MCF2L2: variants seen among roughly 807,000 people sequenced by gnomAD.
The protein encoded by MCF2L2 is probable guanine nucleotide exchange factor MCF2L2.
MCF2L2 carries 102 observed loss-of-function variants against 150.2 expected under a neutral mutation model. The observed-to-expected ratio is 0.68, with a 90% confidence interval of 0.58 to 0.80. MCF2L2 has a LOEUF of 0.80. MCF2L2 is among the 30% of genes least tolerant of loss of function. The pLI, the probability that MCF2L2 is intolerant of heterozygous loss-of-function variation, is 0.00. For missense variants in MCF2L2, 1,256 were observed against 1,372.8 expected, an observed-to-expected ratio of 0.91 and a Z score of 1.34; for synonymous variants, 465 against 491.3, an observed-to-expected ratio of 0.95 and a Z score of 0.71.
intron 5 of MCF2L2, among the ~76,000 whole-genome samples, chr3:183,337,624 C>T (rs139465830): frequency 1.5e-3 from 231 of 151,630 alleles, no homozygotes; most frequent in African/African-American, 5.4e-3. Flanking sequence ...CCATAACTTA[C>T]CACTTTTATT....
intron 22 of MCF2L2, among the ~76,000 whole-genome samples, chr3:183,210,594 C>T (rs1722657871): frequency 1.3e-5 from 2 of 152,148 alleles, no homozygotes; most frequent in South Asian, 4.1e-4. Flanking sequence ...CACATTTGGT[C>T]AGTGTGGAGG....
intron 11 of MCF2L2, chr3:183,297,669 T>TTCCTTCCTTCCTTC (rs1553776767): frequency 1.1e-5 from 1 of 94,648 alleles, no homozygotes; most frequent in African/African-American, 4.3e-5. Context: ...CCTTCCTTCC[T>TTCCTTCCTTCCTTC]CTTTCTTTCT....
chr3:183,348,479 T>C (rs950076009), intron 3 of MCF2L2, among the ~76,000 whole-genome samples: 4 of 151,594 alleles, frequency 2.6e-5, no homozygotes, highest in African/African-American at 9.7e-5. Flanking sequence ...GATGGGTTGA[T>C]GGGTGCAGCA....
At chr3:183,335,862 A>C (rs1730458293) in intron 5 of MCF2L2, among the ~76,000 whole-genome samples, 1 of 152,146 alleles carries the variant, frequency 6.6e-6, no homozygotes, top group Non-Finnish European at 1.5e-5. Flanking sequence ...CCCCATCTCT[A>C]AAATCAAAAC....
At position 183,257,243 on chromosome 3, in the gene MCF2L2, T is replaced by C. The variant is rs138174078; in HGVS notation, c.1862+19629A>G. On this transcript the variant is annotated intron_variant, in intron 15 of 29. Transcript: ENST00000328913. ...TAGAGACAAGTCGAGCTCATGTGAC[T>C]AGTAAATGGAGAGGCACAGTATACA... 5.9e-5 allele frequency among the ~76,000 whole-genome samples: 9 copies of C among 152,316 alleles called. No homozygotes were observed. The East Asian group carries it at 1.7e-3, about 29-fold the overall frequency.
intron 27 of MCF2L2, 198 bp downstream of exon 27, chr3:183,192,801 T>C: frequency 2.0e-6 from 1 of 487,936 alleles, no homozygotes; most frequent in Non-Finnish European, 3.6e-6. Flanking sequence ...GCCCTTCATG[T>C]TAATTCTGCC....
chr3:183,263,974 GT>G (rs1437837123), intron 15 of MCF2L2, among the ~76,000 whole-genome samples: 1 of 152,086 alleles, frequency 6.6e-6, no homozygotes, highest in Non-Finnish European at 1.5e-5. Context: ...CGGCATCAGT[GT>G]GAGCCCTTGA....
Position 183,270,615 on chromosome 3 carries a change from C to T in MCF2L2, c.1862+6257G>A. ...AGCTGCCAAAGTCTATGAGGCATCA[C>T]AGACACTAAATTCAAGTCTTTACAT... On this transcript the variant is annotated intron_variant, in intron 15 of 29. Coordinates refer to ENST00000328913, the MANE Select transcript of MCF2L2 (RefSeq NM_015078.4). This position sits in a 1 kb window ranked among gnomAD's most constrained non-coding sequence, Gnocchi z 4.5. 1 of 1,614,170 alleles carries T rather than the reference C, an allele frequency of 6.2e-7. No individual in the cohort carries two copies. Among genetic ancestry groups the T allele is most frequent in the Non-Finnish European group, 8.5e-7 (1 of 1,180,024 alleles).
At chr3:183,282,514 A>T (rs926544264) in intron 14 of MCF2L2, among the ~76,000 whole-genome samples, 1 of 152,344 alleles carries the variant, frequency 6.6e-6, no homozygotes. Flanking sequence ...AAATTTGCAA[A>T]TATGTAATTC....
At chr3:183,427,797 G>A in intron 1 of MCF2L2, 105 bp downstream of exon 1, 2 of 963,022 alleles carry the variant, frequency 2.1e-6, no homozygotes, top group South Asian at 1.4e-5. Context: ...CCCCCAGGAA[G>A]CGCGCTGCCC....
intron 7 of MCF2L2, among the ~76,000 whole-genome samples, chr3:183,313,792 A>G (rs1180066554): frequency 6.6e-6 from 1 of 152,198 alleles, no homozygotes; most frequent in Non-Finnish European, 1.5e-5. Context: ...CTGTGCAGAC[A>G]GGGTCCCGTT....
At chr3:183,184,233 G>GA (rs1721621465) in intron 27 of MCF2L2, among the ~76,000 whole-genome samples, 1 of 152,166 alleles carries the variant, frequency 6.6e-6, no homozygotes, top group African/African-American at 2.4e-5. Flanking sequence ...GGTCAGGCTG[G>GA]TCTCGAACTC....
At chr3:183,405,755 C>T (rs1025088598) in intron 1 of MCF2L2, among the ~76,000 whole-genome samples, 2 of 152,156 alleles carry the variant, frequency 1.3e-5, no homozygotes, top group Non-Finnish European at 2.9e-5. Context: ...CTCACTCTGT[C>T]GCCCAGTTGG....
At chr3:183,323,620 C>A (rs1344805739) in intron 5 of MCF2L2, among the ~76,000 whole-genome samples, 2 of 151,000 alleles carry the variant, frequency 1.3e-5, no homozygotes, top group Non-Finnish European at 2.9e-5. Context: ...AGCAAGACCC[C>A]ATCACTAGAA....
intron 1 of MCF2L2, among the ~76,000 whole-genome samples, chr3:183,394,664 G>C (rs768450330): frequency 1.3e-5 from 2 of 152,206 alleles, no homozygotes; most frequent in African/African-American, 4.8e-5. Flanking sequence ...TGAAGTAAAG[G>C]CTTTTGAAAG....
chr3:183,219,138 GCA>G (rs144401021), intron 21 of MCF2L2, among the ~76,000 whole-genome samples: 1 of 150,984 alleles, frequency 6.6e-6, no homozygotes, highest in Non-Finnish European at 1.5e-5. Context: ...TCACACACAC[GCA>G]CACACACACA....
chr3:183,329,023 G>A (rs1000010194), intron 5 of MCF2L2, among the ~76,000 whole-genome samples: 2 of 152,048 alleles, frequency 1.3e-5, no homozygotes, highest in Non-Finnish European at 2.9e-5. Flanking sequence ...AAATACCCTC[G>A]TTTTTGAAAA....
chr3:183,232,733 G>A (rs1462277281), intron 15 of MCF2L2, among the ~76,000 whole-genome samples: 5 of 151,920 alleles, frequency 3.3e-5, no homozygotes, highest in Non-Finnish European at 5.9e-5. Context: ...TGAGACTCGT[G>A]GAAAAAATAC....
At chr3:183,217,425 T>C (rs1722987275) in intron 21 of MCF2L2, among the ~76,000 whole-genome samples, 1 of 151,310 alleles carries the variant, frequency 6.6e-6, no homozygotes, top group African/African-American at 2.4e-5. Flanking sequence ...TGAGCCAAGA[T>C]TGCGCCACTG....
Sources: allele counts gnomAD v4.1 joint callset (sites outside exome capture counted in the v4.1 genomes callset), GRCh38; gene constraint gnomAD v4.1.1; non-coding constraint Gnocchi (gnomAD v3.1); transcripts MANE v1.5; gene names NCBI Gene and HGNC (gene_info 2026-07-23, HGNC 2026-07-21).